SCFD1: variants seen among roughly 807,000 people sequenced by gnomAD.
SCFD1 encodes the protein sec1 family domain-containing protein 1.
Under a neutral mutation model 103.2 loss-of-function variants are expected in SCFD1, and 37 were observed. That is an observed-to-expected ratio of 0.36 (90% CI 0.28 to 0.47). SCFD1 has a LOEUF of 0.47. Ranked by LOEUF, SCFD1 falls within the 20% of genes least tolerant of loss-of-function variation. The probability of loss-of-function intolerance (pLI) is 1.00; values close to 1 mark genes in which losing one functional copy is unlikely to be tolerated. For missense variants in SCFD1, 639 were observed against 761.2 expected, an observed-to-expected ratio of 0.84 and a Z score of 1.89; for synonymous variants, 264 against 245.0, an observed-to-expected ratio of 1.08 and a Z score of -0.73.
At chr14:30,633,803 AAGAT>A (rs1353349648) in intron 3 of SCFD1, 140 bp from the exon 4 acceptor site, 1 of 478,000 alleles carries the variant, frequency 2.1e-6, no homozygotes, top group Non-Finnish European at 3.7e-6. Flanking sequence ...ACATGGGAGA[AAGAT>A]AGGTTAACTC....
intron 10 of SCFD1, among the ~76,000 whole-genome samples, chr14:30,655,336 G>A (rs151068893): frequency 2.9e-4 from 44 of 152,298 alleles, no homozygotes; most frequent in Non-Finnish European, 5.0e-4. Context: ...CTACAATGAA[G>A]AGAGGCAGGG....
At chr14:30,721,369 T>C (rs1330836119) in intron 21 of SCFD1, among the ~76,000 whole-genome samples, 1 of 152,108 alleles carries the variant, frequency 6.6e-6, no homozygotes, top group African/African-American at 2.4e-5. Flanking sequence ...TTTATAATAC[T>C]TTGGTGTCTA....
chr14:30,649,085 AAT>A (rs1283383235), intron 7 of SCFD1, among the ~76,000 whole-genome samples: 8 of 152,092 alleles, frequency 5.3e-5, no homozygotes, highest in Non-Finnish European at 8.8e-5. Context: ...TCCATATAAA[AAT>A]AGTTTTCTTC....
At position 30,734,829 on chromosome 14, in the gene SCFD1, C is replaced by T. The variant is rs770249431; in HGVS notation, c.1876C>T (p.Leu626Phe). Residue 626 changes from leucine to phenylalanine, a missense_variant, in exon 24 of 25, where the codon CTT (leucine) becomes TTT (phenylalanine). Physicochemically the swap from Leu to Phe is conservative, Grantham distance 22. Transcript: ENST00000458591. ...ACACATTTTATATGGCTGCAGTGAG[C>T]TTTTTAATGCTACACAGTTCATAAA... ...GKHILYGCSE[L>F]FNATQFIKQL... 6.2e-7 allele frequency: 1 copy of T among 1,613,330 alleles called. No individual in the cohort carries two copies. The highest frequency in any genetic ancestry group is 1.1e-5 in the South Asian group (1 of 91,056).
intron 15 of SCFD1, among the ~76,000 whole-genome samples, chr14:30,699,695 A>G (rs1445406291): frequency 6.6e-6 from 1 of 152,146 alleles, no homozygotes; most frequent in Non-Finnish European, 1.5e-5. Flanking sequence ...TTTGAGAAGT[A>G]TGGCTTTAGG....
At chr14:30,625,896 C>T (rs1883382459) in intron 1 of SCFD1, among the ~76,000 whole-genome samples, 1 of 152,074 alleles carries the variant, frequency 6.6e-6, no homozygotes, top group Non-Finnish European at 1.5e-5. Flanking sequence ...CCTAACTGTG[C>T]AGCATACTAA....
chr14:30,684,753 T>A (rs1163623576), intron 14 of SCFD1, among the ~76,000 whole-genome samples: 8 of 147,430 alleles, frequency 5.4e-5, no homozygotes, highest in African/African-American at 2.0e-4. Flanking sequence ...TTTTTACTTT[T>A]TAAAATATAT....
intron 19 of SCFD1, among the ~76,000 whole-genome samples, chr14:30,714,834 C>T (rs1892161938): frequency 1.3e-5 from 2 of 152,100 alleles, no homozygotes; most frequent in South Asian, 4.1e-4. Context: ...AAAGGAAATA[C>T]CAGTTGAAAA....
At chr14:30,712,802 A>C (rs1426966858) in intron 19 of SCFD1, among the ~76,000 whole-genome samples, 1 of 152,080 alleles carries the variant, frequency 6.6e-6, no homozygotes, top group Non-Finnish European at 1.5e-5. Context: ...GTTGCTAACT[A>C]TACAATAATG....
intron 21 of SCFD1, 113 bp from the exon 22 acceptor site, chr14:30,721,771 G>A: frequency 3.5e-6 from 3 of 864,836 alleles, no homozygotes; most frequent in East Asian, 2.7e-5. Context: ...AGGTGAAGGA[G>A]GTAGAATTGT....
intron 1 of SCFD1, among the ~76,000 whole-genome samples, chr14:30,627,638 C>G (rs764682699): frequency 1.3e-5 from 2 of 150,494 alleles, no homozygotes; most frequent in South Asian, 2.1e-4. Flanking sequence ...CCCAGCTACT[C>G]GGGAGGCTGA....
intron 23 of SCFD1, among the ~76,000 whole-genome samples, chr14:30,731,553 G>T (rs1305362242): frequency 6.6e-6 from 1 of 152,110 alleles, no homozygotes. Context: ...AGTTCTCCTT[G>T]AAGAGGTCCT....
Position 30,704,356 on chromosome 14 carries a change from G to A in SCFD1, c.1491-1467G>A, listed in dbSNP as rs760797417. Among the ~76,000 whole-genome samples the A allele has an allele frequency of 2.0e-5, 3 of 151,882 alleles. No homozygotes were observed. The South Asian group carries it at 6.2e-4, about 32-fold the overall frequency. On this transcript the variant is annotated intron_variant, in intron 17 of 24. Transcript: ENST00000458591. ...ACCCAGCCAGATATTTTTTAAAACTGGGAAATCATTTTTAGAGATACAGTT... is the reference window on the plus strand; with the variant it reads ...ACCCAGCCAGATATTTTTTAAAACTAGGAAATCATTTTTAGAGATACAGTT...
chr14:30,700,587 T>C lies in SCFD1; in HGVS notation c.1410+329T>C, dbSNP rs1891014299. 1.3e-5 allele frequency among the ~76,000 whole-genome samples: 2 copies of C among 152,238 alleles called. 1 individual carries two copies. The highest frequency in any genetic ancestry group is 4.2e-4 in the South Asian group (2 of 4,816). ...TGCTGGGGAGGCTGAGGCAGGAGAATCGCTTGAACCTGGGAGGCAGAGGTT... is the reference window on the plus strand; with the variant it reads ...TGCTGGGGAGGCTGAGGCAGGAGAACCGCTTGAACCTGGGAGGCAGAGGTT... On this transcript the variant is annotated intron_variant, in intron 16 of 24. Coordinates refer to ENST00000458591, the MANE Select transcript of SCFD1 (RefSeq NM_016106.4).
chr14:30,716,372 A>G lies in SCFD1; in HGVS notation c.1683+395A>G, dbSNP rs142849023. ...ATTAGGAAAGAAGTGCATAGTAAAA[A>G]TGTTAAGTACATATGTTTACAGGGC... On this transcript the variant is annotated intron_variant, in intron 20 of 24. Coordinates refer to ENST00000458591, the MANE Select transcript of SCFD1 (RefSeq NM_016106.4). Among the ~76,000 whole-genome samples the G allele has an allele frequency of 1.4e-3, 208 of 152,346 alleles. 1 individual carries two copies. The highest frequency in any genetic ancestry group is 4.9e-3 in the African/African-American group (202 of 41,586).
At chr14:30,718,702 C>T (rs116251177) in intron 20 of SCFD1, among the ~76,000 whole-genome samples, 1 of 152,156 alleles carries the variant, frequency 6.6e-6, no homozygotes, top group Non-Finnish European at 1.5e-5. Flanking sequence ...GTTTTCCTTT[C>T]ATTTCTTAAT....
intron 15 of SCFD1, among the ~76,000 whole-genome samples, chr14:30,697,094 TC>T (rs1373299122): frequency 6.6e-6 from 1 of 152,120 alleles, no homozygotes; most frequent in Non-Finnish European, 1.5e-5. Context: ...ACTCATGTAT[TC>T]CGTAACTCTG....
At chr14:30,714,450 A>G (rs2139387742) in intron 19 of SCFD1, among the ~76,000 whole-genome samples, 2 of 152,262 alleles carry the variant, frequency 1.3e-5, no homozygotes, top group South Asian at 4.1e-4. Flanking sequence ...CAGCTTGAAC[A>G]TTTGATGCTT....
At position 30,653,561 on chromosome 14, in the gene SCFD1, A is replaced by G; in HGVS notation, c.828A>G (p.Thr276=). 6.2e-7 allele frequency: 1 copy of G among 1,613,080 alleles called. No homozygotes were observed. Among genetic ancestry groups the G allele is most frequent in the Non-Finnish European group, 8.5e-7 (1 of 1,179,138 alleles). The change falls in exon 10 of 25, where the codon ACA becomes ACG. Residue 276 remains threonine (T), a synonymous_variant. Coordinates refer to ENST00000458591, the MANE Select transcript of SCFD1 (RefSeq NM_016106.4). ...DLATPLHHTW[T]YQALVHDVLD... is the part of the protein sequence containing the mutation. The stretch of plus-strand genomic sequence containing the variant: ...CAACTCCTTTACATCATACTTGGAC[A>G]TATCAAGCATTGGTGCACGATGTAC...
Sources: gnomAD v4.1 joint callset for allele counts (sites outside exome capture counted in the v4.1 genomes callset) on GRCh38, gnomAD v4.1.1 for gene constraint, MANE v1.5 for transcripts, NCBI Gene and HGNC (gene_info 2026-07-23, HGNC 2026-07-21) for gene names.